The following CFAP299 variants were observed in gnomAD, a reference collection of about 807,000 sequenced individuals.
CFAP299 encodes cilia and flagella associated protein 299.
In CFAP299, 21 loss-of-function variants were observed where a neutral mutation model predicts 27.0. The ratio of observed to expected loss-of-function variants is 0.78; its 90% confidence interval spans 0.55 to 1.12. CFAP299 has a LOEUF of 1.12. CFAP299 is among the 50% of genes most tolerant of loss of function. The pLI, the probability that CFAP299 is intolerant of heterozygous loss-of-function variation, is 0.00. For missense variants in CFAP299, 310 were observed against 276.6 expected (o/e 1.12, Z -0.86); for synonymous variants, 104 against 98.1 (o/e 1.06, Z -0.36).
intron 2 of CFAP299, among the ~76,000 whole-genome samples, chr4:80,380,139 A>G (rs2110018293): frequency 6.6e-6 from 1 of 152,294 alleles, no homozygotes; most frequent in East Asian, 1.9e-4. Flanking sequence ...AAATTGAGCT[A>G]TATCATTGTT....
chr4:80,870,227 A>G lies in CFAP299; in HGVS notation c.476+92A>G, dbSNP rs1199009356. Reference sequence around the variant, plus strand: ...TTGTGCCTAAAATGCTAATGTATATATAACAGGAATGTGATATAACTGGTT... The same window carrying G: ...TTGTGCCTAAAATGCTAATGTATATGTAACAGGAATGTGATATAACTGGTT... On this transcript the variant is annotated intron_variant, in intron 4 of 5. Transcript: ENST00000358105. 3.5e-6 allele frequency: 5 copies of G among 1,415,330 alleles called. No homozygotes were observed. In the African/African-American group the frequency reaches 5.7e-5, roughly 16 times the overall value. The allele number at this position is 1,415,330 out of a possible 1,614,324, so 87.7% of individuals were successfully genotyped here.
chr4:80,924,538 GTA>G (rs1553906748), intron 4 of CFAP299, among the ~76,000 whole-genome samples: 13,521 of 131,280 alleles, frequency 0.1, 733 homozygotes, highest in South Asian at 0.21. Flanking sequence ...GTGTGTGTGT[GTA>G]TATATATATA....
At chr4:80,665,063 G>A (rs994486325) in intron 3 of CFAP299, among the ~76,000 whole-genome samples, 11 of 152,230 alleles carry the variant, frequency 7.2e-5, no homozygotes, top group African/African-American at 2.6e-4. Flanking sequence ...TGCACACACT[G>A]TCTAATCAGT....
chr4:80,898,525 A>G (rs1734726526), intron 4 of CFAP299, among the ~76,000 whole-genome samples: 1 of 152,008 alleles, frequency 6.6e-6, no homozygotes, highest in Non-Finnish European at 1.5e-5. Flanking sequence ...TTTAAGTAGG[A>G]AAACAGGGAT....
chr4:80,685,794 C>G (rs1319932980), intron 3 of CFAP299, among the ~76,000 whole-genome samples: 4 of 152,110 alleles, frequency 2.6e-5, no homozygotes, highest in Non-Finnish European at 5.9e-5. Flanking sequence ...CCTGTTCCTT[C>G]TCTTCACACA....
chr4:80,382,884 T>C (rs1724778501), intron 2 of CFAP299, among the ~76,000 whole-genome samples: 1 of 152,194 alleles, frequency 6.6e-6, no homozygotes, highest in Admixed American at 6.5e-5. Flanking sequence ...TGCACATGTA[T>C]GTTCACTGCA....
intron 2 of CFAP299, among the ~76,000 whole-genome samples, chr4:80,435,558 GC>G (rs1728026662): frequency 6.6e-6 from 1 of 152,162 alleles, no homozygotes; most frequent in African/African-American, 2.4e-5. Context: ...CCAGCAAGAA[GC>G]AGGCTACAAA....
chr4:80,805,494 T>C (rs1354229798), intron 3 of CFAP299, among the ~76,000 whole-genome samples: 1 of 152,158 alleles, frequency 6.6e-6, no homozygotes, highest in Non-Finnish European at 1.5e-5. Flanking sequence ...AGCAATTAAC[T>C]TGAACACCTA....
intron 3 of CFAP299, among the ~76,000 whole-genome samples, chr4:80,626,880 A>G (rs1277988816): frequency 6.9e-6 from 1 of 144,448 alleles, no homozygotes; most frequent in African/African-American, 2.9e-5. Context: ...AGTCTGGGAC[A>G]TGGTGACATC....
intron 2 of CFAP299, among the ~76,000 whole-genome samples, chr4:80,553,471 C>T (rs182344692): frequency 8.5e-5 from 13 of 152,178 alleles, no homozygotes; most frequent in Middle Eastern, 6.8e-3. Context: ...AAAACACTGT[C>T]GTGTGTGTGT....
chr4:80,484,399 T>C (rs1730712479), intron 2 of CFAP299, among the ~76,000 whole-genome samples: 1 of 152,156 alleles, frequency 6.6e-6, no homozygotes, highest in South Asian at 2.1e-4. Flanking sequence ...GTGCCGACTT[T>C]ACATTCCCTA....
intron 3 of CFAP299, among the ~76,000 whole-genome samples, chr4:80,830,080 C>T (rs1238390274): frequency 6.6e-6 from 1 of 152,022 alleles, no homozygotes; most frequent in Non-Finnish European, 1.5e-5. Flanking sequence ...TTTTAGGTTA[C>T]ATGTATTTTA....
chr4:80,781,114 C>A (rs928447344), intron 3 of CFAP299, among the ~76,000 whole-genome samples: 4 of 151,824 alleles, frequency 2.6e-5, no homozygotes, highest in African/African-American at 7.3e-5. Flanking sequence ...AATTCAGTTG[C>A]CTTCTATCCA....
At chr4:80,784,326 G>A (rs1030193932) in intron 3 of CFAP299, among the ~76,000 whole-genome samples, 2 of 152,046 alleles carry the variant, frequency 1.3e-5, no homozygotes, top group Non-Finnish European at 2.9e-5. Context: ...AGTGTACGAA[G>A]GTTCCTTTTT....
chr4:80,630,491 TTAA>T (rs1739150835), intron 3 of CFAP299, among the ~76,000 whole-genome samples: 1 of 152,112 alleles, frequency 6.6e-6, no homozygotes, highest in African/African-American at 2.4e-5. Flanking sequence ...GATGACTACA[TTAA>T]TAATAGTGTT....
intron 3 of CFAP299, among the ~76,000 whole-genome samples, chr4:80,636,422 A>G (rs975591837): frequency 6.6e-6 from 1 of 152,216 alleles, no homozygotes; most frequent in African/African-American, 2.4e-5. Context: ...AATTTTTAAG[A>G]TTAAAAAAAT....
intron 2 of CFAP299, among the ~76,000 whole-genome samples, chr4:80,381,967 G>A (rs2110020395): frequency 6.6e-6 from 1 of 152,240 alleles, no homozygotes; most frequent in Non-Finnish European, 1.5e-5. Flanking sequence ...CAATTAACAA[G>A]GGAAATGTGT....
intron 2 of CFAP299, among the ~76,000 whole-genome samples, chr4:80,511,865 A>G (rs558799953): frequency 4.6e-5 from 7 of 152,274 alleles, no homozygotes; most frequent in African/African-American, 1.7e-4. Flanking sequence ...ACTTAATGGT[A>G]AATTATCTTA....
intron 3 of CFAP299, among the ~76,000 whole-genome samples, chr4:80,827,161 A>C (rs940887008): frequency 6.6e-6 from 1 of 151,840 alleles, no homozygotes; most frequent in African/African-American, 2.4e-5. Flanking sequence ...AATCTATCTG[A>C]AACTTAAAAA....
Sources: gnomAD v4.1 joint callset for allele counts (sites outside exome capture counted in the v4.1 genomes callset) on GRCh38, gnomAD v4.1.1 for gene constraint, MANE v1.5 for transcripts, NCBI Gene and HGNC (gene_info 2026-07-23, HGNC 2026-07-21) for gene names.